Variants in DDX60L observed in about 807,000 individuals in gnomAD.
DDX60L encodes the protein probable ATP-dependent RNA helicase DDX60-like.
A neutral mutation model predicts 211.6 loss-of-function variants in DDX60L; 191 were observed. That is an observed-to-expected ratio of 0.90 (90% CI 0.80 to 1.02). DDX60L has a LOEUF of 1.02. DDX60L is among the 50% of genes least tolerant of loss of function. The pLI, the probability that DDX60L is intolerant of heterozygous loss-of-function variation, is 0.00. For missense variants in DDX60L, 2,007 were observed against 1,984.1 expected, an observed-to-expected ratio of 1.01 and a Z score of -0.22; for synonymous variants, 706 against 694.1, an observed-to-expected ratio of 1.02 and a Z score of -0.27.
Position 168,430,510 on chromosome 4 carries a change from C to A in DDX60L, c.1645G>T (p.Asp549Tyr). 6.2e-7 allele frequency: 1 copy of A among 1,606,032 alleles called. No homozygotes were observed. The change falls in exon 13 of 38, where the codon GAT (aspartate) becomes TAT (tyrosine). Residue 549 changes from aspartate to tyrosine, a missense_variant. By Grantham distance (160) the Asp-to-Tyr change is radical (BLOSUM62 -3). Transcript: ENST00000682922. ...IVTQTTRPKE[D>Y]SSGASGEILQ... is the part of the protein sequence containing the mutation. ...ATTTCACCACTGGCACCACTGGAAT[C>A]CTCCTTTGGCCGAGTAGTTTGAGTC... is the stretch of plus-strand genomic sequence containing the variant.
At chr4:168,461,384 C>T (rs1285511239) in intron 5 of DDX60L, among the ~76,000 whole-genome samples, 1 of 152,140 alleles carries the variant, frequency 6.6e-6, no homozygotes, top group Non-Finnish European at 1.5e-5. Flanking sequence ...TCAACATGAG[C>T]AAATTACTTC....
chr4:168,396,877 T>A (rs569960819), intron 26 of DDX60L, among the ~76,000 whole-genome samples: 1 of 152,172 alleles, frequency 6.6e-6, no homozygotes, highest in African/African-American at 2.4e-5. Flanking sequence ...TTAGAAGGGC[T>A]ACGGAAGTTG....
chr4:168,395,662 C>T (rs2149745572), intron 27 of DDX60L: 1 of 223,266 alleles, frequency 4.5e-6, no homozygotes, highest in Admixed American at 5.8e-5. Context: ...CCAAACGTGA[C>T]CAGAATTAAA....
chr4:168,434,836 T>C (rs547667950), intron 10 of DDX60L, among the ~76,000 whole-genome samples: 1 of 152,266 alleles, frequency 6.6e-6, no homozygotes, highest in South Asian at 2.1e-4. Context: ...CCTTAATCAG[T>C]TCCTAAACTT....
intron 37 of DDX60L, among the ~76,000 whole-genome samples, chr4:168,360,167 A>G (rs985959732): frequency 6.6e-6 from 1 of 152,242 alleles, no homozygotes; most frequent in Non-Finnish European, 1.5e-5. Flanking sequence ...ACTGTCTACA[A>G]GAAAGTTTCT....
intron 35 of DDX60L, among the ~76,000 whole-genome samples, 161 bp from the exon 36 acceptor site, chr4:168,371,924 A>G (rs1418477315): frequency 6.6e-6 from 1 of 152,092 alleles, no homozygotes; most frequent in Non-Finnish European, 1.5e-5. Context: ...GTTGAGGGAA[A>G]TAGGGCCCAT....
At chr4:168,437,730 C>T (rs1753244217) in intron 10 of DDX60L, among the ~76,000 whole-genome samples, 1 of 152,210 alleles carries the variant, frequency 6.6e-6, no homozygotes, top group African/African-American at 2.4e-5. Flanking sequence ...AAGGTGATGT[C>T]ATGCACCCTA....
At chr4:168,445,409 TC>T (rs1312808527) in intron 9 of DDX60L, among the ~76,000 whole-genome samples, 1 of 149,156 alleles carries the variant, frequency 6.7e-6, no homozygotes, top group East Asian at 2.0e-4. Context: ...CCAAAAAGAG[TC>T]CAGGACCAGA....
At chr4:168,378,538 A>C (rs1014140902) in intron 32 of DDX60L, 63 bp from the exon 33 acceptor site, 1 of 1,325,146 alleles carries the variant, frequency 7.5e-7, no homozygotes, top group Non-Finnish European at 1.0e-6. Context: ...TTTTCTGCCT[A>C]AATTTGTTTT....
rs6552758 is a variant in DDX60L, at chr4:168,416,980, G to A, written c.2611-183C>T. Among the ~76,000 whole-genome samples the A allele has an allele frequency of 1.8e-3, 268 of 151,878 alleles. 1 individual carries two copies. Among genetic ancestry groups the A allele is most frequent in the African/African-American group, 6.3e-3 (262 of 41,364 alleles). ...CTTAACTGTCTCCAATCTCCATATC[G>A]AAACCATTATTAATTCCTACAGATT... On this transcript the variant is annotated intron_variant, in intron 19 of 37. Transcript: ENST00000682922.
intron 1 of DDX60L, among the ~76,000 whole-genome samples, chr4:168,477,457 T>C (rs13101339): frequency 0.29 from 43,371 of 151,862 alleles, 7,491 homozygotes; most frequent in East Asian, 0.57. Flanking sequence ...TGCATAATGG[T>C]ATAGTGCTAT....
At chr4:168,372,502 G>T (rs1741196624) in intron 35 of DDX60L, among the ~76,000 whole-genome samples, 3 of 151,938 alleles carry the variant, frequency 2.0e-5, no homozygotes, top group Admixed American at 1.3e-4. Context: ...GAGGTGGGTG[G>T]ATTGCTTGGG....
At chr4:168,373,111 T>G (rs1274909987) in intron 35 of DDX60L, among the ~76,000 whole-genome samples, 2 of 152,170 alleles carry the variant, frequency 1.3e-5, no homozygotes, top group African/African-American at 2.4e-5. Flanking sequence ...AGACCATATT[T>G]GACATGATGT....
At position 168,394,624 on chromosome 4, in the gene DDX60L, CAAG is replaced by C; in HGVS notation, c.3658-10_3658-8del. On this transcript the variant is annotated splice_region_variant and splice_polypyrimidine_tract_variant and intron_variant, in intron 27 of 37. Coordinates refer to ENST00000682922, the MANE Select transcript of DDX60L (RefSeq NM_001012967.3). ...GTAATACCCTCTCCAAAGTCTAAAA[CAAG>C]AAAGAAGTGTAAAACAATTGATGAT... 6.3e-7 allele frequency: 1 copy of C among 1,584,598 alleles called. No individual in the cohort carries two copies. The highest frequency in any genetic ancestry group is 8.5e-7 in the Non-Finnish European group (1 of 1,170,440).
At chr4:168,362,337 T>C (rs996746009) in intron 36 of DDX60L, among the ~76,000 whole-genome samples, 3 of 152,184 alleles carry the variant, frequency 2.0e-5, no homozygotes, top group Admixed American at 1.3e-4. Context: ...GACCTCCCCA[T>C]AGACACTGCC....
intron 36 of DDX60L, among the ~76,000 whole-genome samples, chr4:168,366,366 G>GT (rs990508946): frequency 1.3e-4 from 19 of 151,934 alleles, no homozygotes; most frequent in Non-Finnish European, 2.2e-4. Context: ...AAAATAAAAA[G>GT]TTTTTTTAAA....
At chr4:168,471,592 A>C (rs535110251) in intron 4 of DDX60L, 155 bp downstream of exon 4, 2 of 538,218 alleles carry the variant, frequency 3.7e-6, no homozygotes, top group African/African-American at 4.0e-5. Flanking sequence ...GTTATCTCTG[A>C]GTAGTGAAAT....
At chr4:168,434,306 A>G (rs557984196) in intron 10 of DDX60L, among the ~76,000 whole-genome samples, 25 of 152,276 alleles carry the variant, frequency 1.6e-4, no homozygotes, top group Middle Eastern at 3.4e-3. Context: ...TGAAACTCCA[A>G]TTGGACATGT....
Position 168,428,934 on chromosome 4 carries a change from A to AT in DDX60L, c.1677+1543dup, listed in dbSNP as rs1214292499. The stretch of plus-strand genomic sequence containing the variant: ...GTGTAAAGGCAGGAAGAGAAAGAAA[A>AT]TAGGTATGGAAGATTCCTACCCTTT... On this transcript the variant is annotated intron_variant, in intron 13 of 37. Coordinates refer to ENST00000682922, the MANE Select transcript of DDX60L (RefSeq NM_001012967.3). Among the ~76,000 whole-genome samples the AT allele has an allele frequency of 3.9e-5, 6 of 152,212 alleles. No individual in the cohort carries two copies. In the East Asian group the frequency reaches 1.2e-3, roughly 29 times the overall value.
Sources: allele counts gnomAD v4.1 joint callset (sites outside exome capture counted in the v4.1 genomes callset), GRCh38; gene constraint gnomAD v4.1.1; transcripts MANE v1.5; gene names NCBI Gene and HGNC (gene_info 2026-07-23, HGNC 2026-07-21).